RBM34: variants seen among roughly 807,000 people sequenced by gnomAD.
The protein encoded by RBM34 is RNA-binding protein 34.
RBM34 carries 39 observed loss-of-function variants against 44.6 expected under a neutral mutation model. The observed-to-expected ratio is 0.87, with a 90% CI of 0.68 to 1.14. RBM34 has a LOEUF of 1.14. RBM34 is among the 50% of genes most tolerant of loss of function. RBM34 has a pLI of 0.00. For synonymous variants in RBM34, 194 were observed against 184.0 expected (o/e 1.05, Z -0.44); for missense variants, 572 against 517.9 (o/e 1.10, Z -1.01).
intron 5 of RBM34, among the ~76,000 whole-genome samples, chr1:235,150,050 C>T (rs892226408): frequency 6.6e-6 from 1 of 152,082 alleles, no homozygotes; most frequent in Non-Finnish European, 1.5e-5. Flanking sequence ...ACAGCGTCTA[C>T]GTCCCGTTAT....
intron 4 of RBM34, among the ~76,000 whole-genome samples, chr1:235,153,015 GCC>G (rs146607527): frequency 2.6e-5 from 4 of 151,514 alleles, no homozygotes; most frequent in African/African-American, 9.7e-5. Context: ...GATTACAGGC[GCC>G]CGCCACCATG....
At chr1:235,159,998 A>C (rs780521376) in intron 3 of RBM34, among the ~76,000 whole-genome samples, 1 of 152,150 alleles carries the variant, frequency 6.6e-6, no homozygotes, top group Non-Finnish European at 1.5e-5. Flanking sequence ...TCACACCTGT[A>C]ATCTCAACAC....
chr1:235,153,667 C>T (rs1357499591), intron 4 of RBM34, among the ~76,000 whole-genome samples: 1 of 152,126 alleles, frequency 6.6e-6, no homozygotes, highest in Non-Finnish European at 1.5e-5. Context: ...CTCAGGGGAT[C>T]CGCCCGCCTT....
chr1:235,135,732 A>G lies in RBM34; in HGVS notation c.928T>C (p.Cys310Arg). 1.2e-6 allele frequency: 2 copies of G among 1,614,222 alleles called. No individual in the cohort carries two copies. Among genetic ancestry groups the G allele is most frequent in the South Asian group, 1.1e-5 (1 of 91,086 alleles). The change falls in exon 10 of 11, where the codon TGT becomes CGT. Residue 310 changes from cysteine to arginine, a missense_variant. Cys to Arg is a radical substitution (Grantham distance 180). Transcript: ENST00000408888. ...ESAIEKHFLD[C>R]GSIMAVRIVR... ...ATCCTCACGGCCATGATACTTCCAC[A>G]GTCCAGAAAGTGCTTCTCAATGGCA...
intron 6 of RBM34, among the ~76,000 whole-genome samples, chr1:235,141,683 C>T (rs759017348): frequency 2.6e-5 from 4 of 152,152 alleles, no homozygotes; most frequent in Non-Finnish European, 4.4e-5. Flanking sequence ...TAACACTCAC[C>T]GCAAAGATCT....
intron 9 of RBM34, 95 bp downstream of exon 9, chr1:235,135,938 AT>A: frequency 7.7e-7 from 1 of 1,291,408 alleles, no homozygotes. Flanking sequence ...ATGCTTTAAA[AT>A]TAGTCTTAAA....
chr1:235,160,885 T>C lies in RBM34; in HGVS notation c.228+8A>G. ...CGAGCTATTCGGGAAGAAAGCCCAG[T>C]GACTTACTTTAGGCACAGGCACGTA... On this transcript the variant is annotated splice_region_variant and intron_variant, in intron 2 of 10. Coordinates refer to ENST00000408888, the MANE Select transcript of RBM34 (RefSeq NM_015014.4). 6.2e-7 allele frequency: 1 copy of C among 1,613,216 alleles called. No homozygotes were observed. Among genetic ancestry groups the C allele is most frequent in the Middle Eastern group, 1.7e-4 (1 of 6,058 alleles).
At chr1:235,158,821 AAAC>A (rs1348715052) in intron 3 of RBM34, among the ~76,000 whole-genome samples, 4 of 152,156 alleles carry the variant, frequency 2.6e-5, no homozygotes, top group African/African-American at 9.7e-5. Context: ...ATACACTGTT[AAAC>A]AACGTTATGC....
intron 3 of RBM34, among the ~76,000 whole-genome samples, chr1:235,156,059 G>A (rs570401488): frequency 8.0e-5 from 12 of 149,426 alleles, no homozygotes; most frequent in African/African-American, 1.5e-4. Context: ...TAGCAGAGAC[G>A]AGGTTTCACT....
chr1:235,153,646 G>A (rs1019655681), intron 4 of RBM34, among the ~76,000 whole-genome samples: 55 of 151,990 alleles, frequency 3.6e-4, no homozygotes, highest in African/African-American at 2.2e-4. Context: ...AGCTGGTCTC[G>A]AACTCCCGAC....
chr1:235,137,479 G>T (rs1661473598), intron 8 of RBM34, among the ~76,000 whole-genome samples: 1 of 151,922 alleles, frequency 6.6e-6, no homozygotes, highest in South Asian at 2.1e-4. Flanking sequence ...GGCTCAGGTG[G>T]TGCTCCCACC....
intron 5 of RBM34, among the ~76,000 whole-genome samples, chr1:235,148,820 G>C (rs548915415): frequency 5.3e-4 from 80 of 151,920 alleles, no homozygotes; most frequent in South Asian, 1.7e-3. Flanking sequence ...GGATGGTCTC[G>C]ATCTCCTGAC....
At chr1:235,140,423 G>A (rs1028383123) in intron 6 of RBM34, among the ~76,000 whole-genome samples, 1 of 152,184 alleles carries the variant, frequency 6.6e-6, no homozygotes, top group Non-Finnish European at 1.5e-5. Flanking sequence ...GGCAGTGAGG[G>A]GCTTAGCACC....
chr1:235,148,525 G>A, intron 5 of RBM34, 78 bp from the exon 6 acceptor site: 1 of 1,074,406 alleles, frequency 9.3e-7, no homozygotes, highest in Non-Finnish European at 1.3e-6. Flanking sequence ...TGAAGTCTAA[G>A]TATCTAACTC....
chr1:235,141,021 A>T (rs1348008765), intron 6 of RBM34, among the ~76,000 whole-genome samples: 6 of 151,288 alleles, frequency 4.0e-5, no homozygotes, highest in Non-Finnish European at 8.8e-5. Flanking sequence ...GCACCAATCG[A>T]CACTCAGTAT....
chr1:235,133,723 T>G (rs1281496340), intron 10 of RBM34, among the ~76,000 whole-genome samples: 3 of 152,146 alleles, frequency 2.0e-5, no homozygotes, highest in African/African-American at 7.2e-5. Context: ...ATAAAAAAAT[T>G]TATTATATAT....
intron 6 of RBM34, among the ~76,000 whole-genome samples, chr1:235,147,419 C>A (rs1484994608): frequency 1.3e-5 from 2 of 152,116 alleles, no homozygotes; most frequent in Non-Finnish European, 2.9e-5. Context: ...CAACTTCATA[C>A]AGAAATAAAA....
chr1:235,144,911 C>A (rs925704225), intron 6 of RBM34, among the ~76,000 whole-genome samples: 7 of 152,046 alleles, frequency 4.6e-5, no homozygotes, highest in African/African-American at 1.7e-4. Flanking sequence ...AGGTGTAGCG[C>A]ACATGCCTGT....
chr1:235,131,928 T>C lies in RBM34; in HGVS notation c.1078A>G (p.Met360Val), dbSNP rs1189651623. The change falls in exon 11 of 11, where the codon ATG becomes GTG. Residue 360 changes from methionine to valine, a missense_variant. Transcript: ENST00000408888. ...SELMGRKLRV[M>V]RSVNKEKFKQ... is the part of the protein sequence containing the mutation. ...AATTTTTCTTTATTAACAGAACGCA[T>C]GACTCTGAGTTTTCTCCCCATGAGT... 1 of 1,612,778 alleles carries C rather than the reference T, an allele frequency of 6.2e-7. No individual in the cohort carries two copies. Among genetic ancestry groups the C allele is most frequent in the South Asian group, 1.1e-5 (1 of 90,958 alleles).
Sources: gnomAD v4.1 joint callset for allele counts (sites outside exome capture counted in the v4.1 genomes callset) on GRCh38, gnomAD v4.1.1 for gene constraint, MANE v1.5 for transcripts, NCBI Gene and HGNC (gene_info 2026-07-23, HGNC 2026-07-21) for gene names.